The following DYSF variants were observed in gnomAD, a reference collection of about 807,000 sequenced individuals.
DYSF encodes dystrophy-associated fer-1-like 1.
In DYSF, 212 loss-of-function variants were observed where a neutral mutation model predicts 274.9. That is an observed-to-expected ratio of 0.77 (90% confidence interval 0.69 to 0.86). The LOEUF (loss-of-function observed/expected upper bound fraction) is 0.86, where lower values mean the gene tolerates loss of function less well. Ranked by LOEUF, DYSF falls within the 40% of genes least tolerant of loss-of-function variation. DYSF has a pLI of 0.00. For missense variants in DYSF, 2,666 were observed against 2,783.2 expected (o/e 0.96, Z 0.95); for synonymous variants, 1,091 against 1,078.7 (o/e 1.01, Z -0.22).
chr2:71,535,428 G>C (rs2089229888), intron 16 of DYSF, 117 bp downstream of exon 16: 1 of 1,115,536 alleles, frequency 9.0e-7, no homozygotes, highest in African/African-American at 1.5e-5. Flanking sequence ...TTTCAGGTGA[G>C]GTAATGTCCC....
At chr2:71,591,758 C>T (rs1169589868) in intron 32 of DYSF, among the ~76,000 whole-genome samples, 1 of 152,214 alleles carries the variant, frequency 6.6e-6, no homozygotes, top group Non-Finnish European at 1.5e-5. Context: ...CTGCCGGCTT[C>T]CTTGCTGGTC....
chr2:71,510,491 T>C (rs1398208676), intron 4 of DYSF, among the ~76,000 whole-genome samples: 1 of 152,226 alleles, frequency 6.6e-6, no homozygotes. Context: ...GACCTCCTCC[T>C]GGGTCTCCTG....
chr2:71,539,799 A>T (rs2089751375), intron 17 of DYSF, among the ~76,000 whole-genome samples: 1 of 152,206 alleles, frequency 6.6e-6, no homozygotes, highest in Non-Finnish European at 1.5e-5. Context: ...GTGTATATAT[A>T]CATTAGAACA....
intron 20 of DYSF, 84 bp from the exon 21 acceptor site, chr2:71,553,723 G>A: frequency 8.7e-7 from 1 of 1,154,600 alleles, no homozygotes; most frequent in Non-Finnish European, 1.2e-6. Context: ...GCCCTGGAGT[G>A]CCCAGGAGGC....
chr2:71,628,923 G>T (rs1454077657), intron 41 of DYSF, among the ~76,000 whole-genome samples: 1 of 151,874 alleles, frequency 6.6e-6, no homozygotes, highest in Non-Finnish European at 1.5e-5. Flanking sequence ...CTGCACTCTA[G>T]CCTGGCCCAC....
At chr2:71,504,576 C>G (rs2085303560) in intron 4 of DYSF, among the ~76,000 whole-genome samples, 1 of 152,178 alleles carries the variant, frequency 6.6e-6, no homozygotes, top group Non-Finnish European at 1.5e-5. Context: ...TGAGGAGGCT[C>G]AGACCCAACC....
At position 71,539,259 on chromosome 2, in the gene DYSF, T is replaced by G; in HGVS notation, c.1576+20T>G. On this transcript the variant is annotated intron_variant, in intron 17 of 55. Coordinates refer to ENST00000410020, the MANE Select transcript of DYSF (RefSeq NM_001130987.2). ...TAGAAGGTATGTTCCCTCTTCGTTC[T>G]GCCCTTTGACCCCCTGTGCTCTCCC... 6.2e-7 allele frequency: 1 copy of G among 1,608,846 alleles called. No individual in the cohort carries two copies.
intron 40 of DYSF, among the ~76,000 whole-genome samples, chr2:71,613,977 C>T (rs2093827188): frequency 6.6e-6 from 1 of 152,200 alleles, no homozygotes; most frequent in African/African-American, 2.4e-5. Flanking sequence ...GTCTCCAGCC[C>T]TGGGGGAGGT....
intron 8 of DYSF, 46 bp downstream of exon 8, chr2:71,515,797 A>C: frequency 6.2e-7 from 1 of 1,612,462 alleles, no homozygotes; most frequent in Non-Finnish European, 8.5e-7. Context: ...TGGGCCTTCC[A>C]ATCTGGAAGC....
At chr2:71,513,512 C>T (rs1258674420) in intron 6 of DYSF, among the ~76,000 whole-genome samples, 180 bp downstream of exon 6, 2 of 152,198 alleles carry the variant, frequency 1.3e-5, no homozygotes, top group South Asian at 2.1e-4. Flanking sequence ...ACTGACTGCC[C>T]TCAAGTTTCA....
chr2:71,513,163 G>A (rs908837111), intron 5 of DYSF, 77 bp from the exon 6 acceptor site: 12 of 1,366,180 alleles, frequency 8.8e-6, no homozygotes, highest in Non-Finnish European at 1.1e-5. Flanking sequence ...GGTTGGGGAT[G>A]GAGGTGCAGT....
At chr2:71,684,348 T>G (rs1399677883) in intron 55 of DYSF, among the ~76,000 whole-genome samples, 1 of 152,238 alleles carries the variant, frequency 6.6e-6, no homozygotes, top group East Asian at 1.9e-4. Context: ...TGGTGTCTCC[T>G]GCCCAGGGGG....
rs1297303696 is a variant in DYSF at position 71,680,606 on chromosome 2, C to T, written c.6064-395C>T. On this transcript the variant is annotated intron_variant, in intron 53 of 55. Transcript: ENST00000410020. ...TTACTAAATAATTATGGTCAACCATCCCATACAATGTTTGGCAGTCATTAA... is the reference window on the plus strand; with the variant it reads ...TTACTAAATAATTATGGTCAACCATTCCATACAATGTTTGGCAGTCATTAA... Among the ~76,000 whole-genome samples the T allele has an allele frequency of 2.0e-5, 3 of 152,184 alleles. No individual in the cohort carries two copies. The East Asian group carries it at 5.8e-4, about 29-fold the overall frequency.
chr2:71,584,508 C>T (rs894916690), intron 30 of DYSF, among the ~76,000 whole-genome samples: 3 of 152,138 alleles, frequency 2.0e-5, no homozygotes, highest in African/African-American at 4.8e-5. Flanking sequence ...ACATCAGACC[C>T]GACTCTGAGC....
At chr2:71,673,456 G>T (rs1281283735) in intron 51 of DYSF, among the ~76,000 whole-genome samples, 2 of 152,206 alleles carry the variant, frequency 1.3e-5, no homozygotes, top group East Asian at 3.9e-4. Context: ...CAGCACTTCA[G>T]GCTTTGGCTT....
At chr2:71,672,777 T>C (rs930070149) in intron 51 of DYSF, among the ~76,000 whole-genome samples, 2 of 152,036 alleles carry the variant, frequency 1.3e-5, no homozygotes, top group African/African-American at 4.8e-5. Context: ...GAGCTGGCCA[T>C]AAAAGCTCGC....
intron 41 of DYSF, among the ~76,000 whole-genome samples, chr2:71,622,710 G>A (rs1243028696): frequency 6.6e-6 from 1 of 152,106 alleles, no homozygotes; most frequent in African/African-American, 2.4e-5. Context: ...CTGCCTCCTG[G>A]GTTCAAGCAA....
chr2:71,496,936 G>C (rs76818280), intron 3 of DYSF, among the ~76,000 whole-genome samples: 7,904 of 152,304 alleles, frequency 0.052, 257 homozygotes, highest in African/African-American at 0.11. Flanking sequence ...GATGGCACAG[G>C]AGGCTCACTG....
chr2:71,673,143 A>G (rs988360975), intron 51 of DYSF, among the ~76,000 whole-genome samples: 2 of 152,164 alleles, frequency 1.3e-5, no homozygotes, highest in East Asian at 3.9e-4. Context: ...CTTGGCACCC[A>G]CCATCTGCAG....
Sources: allele counts gnomAD v4.1 joint callset (sites outside exome capture counted in the v4.1 genomes callset), GRCh38; gene constraint gnomAD v4.1.1; transcripts MANE v1.5; gene names NCBI Gene and HGNC (gene_info 2026-07-23, HGNC 2026-07-21).